The following PDLIM5 variants were observed in gnomAD, a reference collection of about 807,000 sequenced individuals.
PDLIM5 encodes the protein PDZ and LIM domain 5.
In PDLIM5, 34 loss-of-function variants were observed where a neutral mutation model predicts 64.2. The observed-to-expected ratio is 0.53, with a 90% CI of 0.40 to 0.71. The LOEUF is 0.71. PDLIM5 is among the 30% of genes least tolerant of loss of function. PDLIM5 has a pLI of 0.00. For synonymous variants in PDLIM5, 253 were observed against 269.1 expected (o/e 0.94, Z 0.59); for missense variants, 683 against 733.6 (o/e 0.93, Z 0.80).
intron 10 of PDLIM5, 90 bp downstream of exon 10, chr4:94,654,730 TTTC>T: frequency 1.2e-6 from 1 of 839,912 alleles, no homozygotes; most frequent in South Asian, 1.7e-5. Context: ...AACTTTTTAT[TTTC>T]TTCTTGCTTT....
At chr4:94,469,640 C>G (rs950983937) in intron 2 of PDLIM5, among the ~76,000 whole-genome samples, 1 of 152,070 alleles carries the variant, frequency 6.6e-6, no homozygotes, top group African/African-American at 2.4e-5. Flanking sequence ...AGGACAACTC[C>G]TGGGGATTTT....
intron 7 of PDLIM5, chr4:94,587,714 C>G (rs79700101): frequency 0.064 from 63,096 of 983,520 alleles, 2,242 homozygotes; most frequent in Non-Finnish European, 0.071. Context: ...AGAATTTTAC[C>G]CCTATTTGCA....
At chr4:94,523,655 A>G in intron 2 of PDLIM5, 69 bp from the exon 3 acceptor site, 4 of 1,248,722 alleles carry the variant, frequency 3.2e-6, no homozygotes, top group Non-Finnish European at 3.4e-6. Context: ...AAGCAAAAGT[A>G]TAATTTTTAT....
intron 3 of PDLIM5, among the ~76,000 whole-genome samples, chr4:94,561,668 C>A (rs1454452657): frequency 6.6e-6 from 1 of 152,118 alleles, no homozygotes; most frequent in Admixed American, 6.5e-5. Flanking sequence ...TTTAGGGGAT[C>A]CTTGGAGCCA....
chr4:94,641,374 C>T (rs192698845), intron 9 of PDLIM5, among the ~76,000 whole-genome samples: 2 of 152,092 alleles, frequency 1.3e-5, no homozygotes, highest in Non-Finnish European at 2.9e-5. Flanking sequence ...GTCAGGAAAC[C>T]TCAATACTTC....
chr4:94,546,740 A>C (rs1004808947), intron 3 of PDLIM5, among the ~76,000 whole-genome samples: 1 of 152,170 alleles, frequency 6.6e-6, no homozygotes, highest in South Asian at 2.1e-4. Context: ...CAAAAACACC[A>C]GGGATATTAA....
chr4:94,572,109 T>A (rs1298084007), intron 3 of PDLIM5, among the ~76,000 whole-genome samples: 2 of 152,150 alleles, frequency 1.3e-5, no homozygotes. Flanking sequence ...TGTGCTAGTG[T>A]CTTCTGTTTG....
Position 94,478,890 on chromosome 4 carries a change from G to GTTTTT in PDLIM5, c.96+23529_96+23533dup, listed in dbSNP as rs67013211. On this transcript the variant is annotated intron_variant, in intron 2 of 12. Transcript: ENST00000317968. ...CCAAAAGAAGGTAGGTGTGCTTGGTGTTTTTTTTTTTTTTTTTTTTTTTTT... is the reference window on the plus strand; with the variant it reads ...CCAAAAGAAGGTAGGTGTGCTTGGTGTTTTTTTTTTTTTTTTTTTTTTTTTTTTTT... Among the ~76,000 whole-genome samples, 23 of 94,084 alleles carry GTTTTT rather than the reference G, an allele frequency of 2.4e-4. 2 individuals are homozygous for GTTTTT. The highest frequency in any genetic ancestry group is 7.2e-4 in the African/African-American group (16 of 22,356). The allele number at this position is 94,084 out of a possible 152,430, so 61.7% of individuals were successfully genotyped here.
chr4:94,570,424 A>G (rs745699596), intron 3 of PDLIM5, among the ~76,000 whole-genome samples: 2 of 152,200 alleles, frequency 1.3e-5, no homozygotes, highest in South Asian at 4.1e-4. Context: ...TGTGTGAGTG[A>G]GTGCATGTGT....
intron 2 of PDLIM5, among the ~76,000 whole-genome samples, chr4:94,481,571 G>A (rs1419499013): frequency 1.3e-5 from 2 of 151,388 alleles, no homozygotes; most frequent in African/African-American, 2.4e-5. Context: ...ATGAGCCACC[G>A]CTGCCAGCCA....
intron 2 of PDLIM5, among the ~76,000 whole-genome samples, chr4:94,487,027 A>G (rs2046710285): frequency 6.6e-6 from 1 of 152,172 alleles, no homozygotes; most frequent in South Asian, 2.1e-4. Flanking sequence ...TAAAATAAAA[A>G]GTAGATAAAA....
At chr4:94,582,683 G>T in intron 5 of PDLIM5, 1 of 1,502,416 alleles carries the variant, frequency 6.7e-7, no homozygotes, top group Non-Finnish European at 9.2e-7. Context: ...CTACTCTATC[G>T]CATCTTTTTT....
At chr4:94,587,650 A>T (rs1736344105) in intron 7 of PDLIM5, 2 of 979,892 alleles carry the variant, frequency 2.0e-6, no homozygotes, top group Non-Finnish European at 1.2e-6. Context: ...ACTATTCAGG[A>T]TGGCTCTATG....
intron 2 of PDLIM5, among the ~76,000 whole-genome samples, chr4:94,471,483 T>C (rs113796469): frequency 0.012 from 1,803 of 152,290 alleles, 40 homozygotes; most frequent in African/African-American, 0.041. Flanking sequence ...ATATTAGTAC[T>C]GTATTTTTCT....
intron 3 of PDLIM5, among the ~76,000 whole-genome samples, chr4:94,528,299 A>C (rs1730554955): frequency 6.6e-6 from 1 of 152,084 alleles, no homozygotes; most frequent in Non-Finnish European, 1.5e-5. Flanking sequence ...CCCCTTCTGA[A>C]CTTGTATGAA....
At chr4:94,539,612 C>T (rs1731605088) in intron 3 of PDLIM5, among the ~76,000 whole-genome samples, 1 of 152,152 alleles carries the variant, frequency 6.6e-6, no homozygotes, top group Non-Finnish European at 1.5e-5. Flanking sequence ...ATTTATAATA[C>T]AGGTGGACGA....
chr4:94,570,383 A>G (rs1170095270), intron 3 of PDLIM5, among the ~76,000 whole-genome samples: 1 of 152,184 alleles, frequency 6.6e-6, no homozygotes, highest in African/African-American at 2.4e-5. Context: ...AGTAAGATAG[A>G]GAAGATGCAA....
intron 3 of PDLIM5, among the ~76,000 whole-genome samples, chr4:94,550,744 A>C (rs1028677815): frequency 6.6e-6 from 1 of 152,182 alleles, no homozygotes; most frequent in Non-Finnish European, 1.5e-5. Flanking sequence ...AAAAGGGAAT[A>C]GTTCTGATGT....
chr4:94,526,986 C>T (rs1046806316), intron 3 of PDLIM5, among the ~76,000 whole-genome samples: 14 of 150,814 alleles, frequency 9.3e-5, no homozygotes, highest in Middle Eastern at 3.4e-3. Context: ...CCACCTGCCT[C>T]GGCCTCCCAA....
Sources: gnomAD v4.1 joint callset for allele counts (sites outside exome capture counted in the v4.1 genomes callset) on GRCh38, gnomAD v4.1.1 for gene constraint, MANE v1.5 for transcripts, NCBI Gene and HGNC (gene_info 2026-07-23, HGNC 2026-07-21) for gene names.